KATNAL1: variants seen among roughly 807,000 people sequenced by gnomAD.
The protein encoded by KATNAL1 is katanin p60 ATPase-containing subunit A-like 1.
In KATNAL1, 32 loss-of-function variants were observed where a neutral mutation model predicts 55.2. The observed-to-expected ratio is 0.58, with a 90% CI of 0.44 to 0.78. KATNAL1 has a LOEUF of 0.78. Ranked by LOEUF, KATNAL1 falls within the 30% of genes least tolerant of loss-of-function variation. The pLI, the probability that KATNAL1 is intolerant of heterozygous loss-of-function variation, is 0.00. For synonymous variants in KATNAL1, 193 were observed against 193.6 expected, an observed-to-expected ratio of 1.00 and a Z score of 0.02; for missense variants, 466 against 600.9, an observed-to-expected ratio of 0.78 and a Z score of 2.35.
At chr13:30,224,794 A>C (rs1054223970) in intron 9 of KATNAL1, among the ~76,000 whole-genome samples, 8 of 152,218 alleles carry the variant, frequency 5.3e-5, no homozygotes, top group African/African-American at 1.9e-4. Flanking sequence ...AAAATGAGCC[A>C]TCACTACAGA....
chr13:30,240,685 T>G, intron 5 of KATNAL1, 120 bp from the exon 6 acceptor site: 1 of 714,502 alleles, frequency 1.4e-6, no homozygotes, highest in Non-Finnish European at 2.3e-6. Context: ...AACATTATTC[T>G]AATTCTTACT....
chr13:30,281,741 T>G (rs1881355742), intron 2 of KATNAL1: 1 of 152,240 alleles, frequency 6.6e-6, no homozygotes, highest in African/African-American at 2.4e-5. Flanking sequence ...TTAGAAGATT[T>G]TAAATTTTAA....
At chr13:30,274,101 T>C (rs1286185362) in intron 3 of KATNAL1, among the ~76,000 whole-genome samples, 3 of 152,326 alleles carry the variant, frequency 2.0e-5, no homozygotes, top group African/African-American at 7.2e-5. Flanking sequence ...ATATACATTT[T>C]ACAGAAAGGA....
intron 3 of KATNAL1, among the ~76,000 whole-genome samples, chr13:30,262,769 C>T (rs200938703): frequency 0.65 from 97,115 of 148,568 alleles, 32,118 homozygotes; most frequent in East Asian, 0.89. Context: ...GATGGATTCA[C>T]AGCCGAATTC....
chr13:30,241,184 T>G (rs1028630969), intron 4 of KATNAL1, 98 bp from the exon 5 acceptor site: 107 of 1,090,476 alleles, frequency 9.8e-5, no homozygotes, highest in Admixed American at 4.7e-5. Context: ...ACTTTCTAAA[T>G]AATTTTTATT....
At chr13:30,268,310 A>AT (rs1350892101) in intron 3 of KATNAL1, among the ~76,000 whole-genome samples, 10 of 152,368 alleles carry the variant, frequency 6.6e-5, no homozygotes, top group Middle Eastern at 3.4e-3. Flanking sequence ...CTCACCAGAA[A>AT]TAACAAAAAG....
rs1877205994 is a variant in KATNAL1 at position 30,240,899 on chromosome 13, A to G, written c.620+60T>C. On this transcript the variant is annotated intron_variant, in intron 5 of 10. Coordinates refer to ENST00000380615, the MANE Select transcript of KATNAL1 (RefSeq NM_032116.5). ...AATAACAAGAGAAAACTCACACACCAAGACAACCTATAATTTGTGTTCTCC... is the reference window on the plus strand; with the variant it reads ...AATAACAAGAGAAAACTCACACACCGAGACAACCTATAATTTGTGTTCTCC... The G allele has an allele frequency of 4.0e-6, 6 of 1,501,172 alleles. No individual in the cohort carries two copies. The Admixed American group carries it at 1.2e-4, about 30-fold the overall frequency. 93.0% of individuals were successfully genotyped at this position (1,501,172 alleles called of 1,614,324 possible). A position where few individuals can be genotyped will look rare whatever the true frequency, so the allele number is the denominator to read the frequency against.
At chr13:30,254,457 G>A (rs77849523) in intron 4 of KATNAL1, among the ~76,000 whole-genome samples, 6 of 151,966 alleles carry the variant, frequency 3.9e-5, no homozygotes, top group Admixed American at 3.9e-4. Flanking sequence ...ATATGTCTTT[G>A]AACTATCTCA....
intron 3 of KATNAL1, among the ~76,000 whole-genome samples, chr13:30,263,590 G>A (rs1383750690): frequency 2.6e-5 from 4 of 152,056 alleles, no homozygotes; most frequent in Non-Finnish European, 5.9e-5. Flanking sequence ...ACAAAATCAT[G>A]AGAGAACCAA....
chr13:30,280,134 G>C lies in KATNAL1; in HGVS notation c.252C>G (p.Phe84Leu). 6.2e-7 allele frequency: 1 copy of C among 1,613,372 alleles called. No individual in the cohort carries two copies. ...ATGGTTCATCTTGACAGGACACAGG[G>C]AAATCTGGAGGCTTGTCAATTTTAA... ...ESFKIDKPPD[F>L]PVSCQDEPFR... Residue 84 changes from phenylalanine to leucine, a missense_variant, in exon 3 of 11, where the codon TTC becomes TTG. Phe to Leu is a conservative substitution (Grantham distance 22). Around this residue, in one of 3 missense-constraint regions of KATNAL1, gnomAD observed 248 missense variants for 275.5 expected, o/e 0.90. Coordinates refer to ENST00000380615, the MANE Select transcript of KATNAL1 (RefSeq NM_032116.5).
At position 30,241,060 on chromosome 13, in the gene KATNAL1, T is replaced by G; in HGVS notation, c.519A>C (p.Ala173=). Reference sequence around the variant, plus strand: ...CAAATTTTGGCATTTCACCATCACTTGCACCATCTTGCATATTCTTCCTTC... The same window carrying G: ...CAAATTTTGGCATTTCACCATCACTGGCACCATCTTGCATATTCTTCCTTC... ...DKGRKNMQDG[A]SDGEMPKFDG... Residue 173 remains alanine, a synonymous_variant, in exon 5 of 11, where the codon GCA becomes GCC. Transcript: ENST00000380615. 2 of 1,613,526 alleles carry G rather than the reference T, an allele frequency of 1.2e-6. No individual in the cohort carries two copies. Among genetic ancestry groups the G allele is most frequent in the Non-Finnish European group, 1.7e-6 (2 of 1,179,816 alleles).
At chr13:30,215,799 T>C (rs1285225099) in intron 9 of KATNAL1, among the ~76,000 whole-genome samples, 1 of 151,948 alleles carries the variant, frequency 6.6e-6, no homozygotes, top group East Asian at 1.9e-4. Context: ...TGGGGAGGGA[T>C]AGCATTAGAA....
intron 3 of KATNAL1, among the ~76,000 whole-genome samples, chr13:30,262,054 A>G (rs1464801136): frequency 6.6e-6 from 1 of 152,162 alleles, no homozygotes; most frequent in Non-Finnish European, 1.5e-5. Flanking sequence ...AGAACTCAGG[A>G]TTAAGAATCT....
At position 30,208,357 on chromosome 13, in the gene KATNAL1, G is replaced by A. The variant is rs557571197; in HGVS notation, c.*183C>T. The A allele has an allele frequency of 2.0e-5, 11 of 547,736 alleles. No individual in the cohort carries two copies. The South Asian group carries it at 2.9e-4, about 15-fold the overall frequency. 33.9% of individuals were successfully genotyped at this position (547,736 alleles called of 1,614,324 possible). ...AGCACAAAGCCGGGGAGGGAGACTA[G>A]CAAACTCTCGCCATCAATTATTTCT... On this transcript the variant is annotated 3_prime_UTR_variant, in exon 11 of 11. Coordinates refer to ENST00000380615, the MANE Select transcript of KATNAL1 (RefSeq NM_032116.5).
chr13:30,210,464 G>A (rs373747807), intron 9 of KATNAL1, 22 bp from the exon 10 acceptor site: 19 of 1,580,394 alleles, frequency 1.2e-5, no homozygotes, highest in Non-Finnish European at 1.5e-5. Context: ...TTTTGGTGGT[G>A]TTGTTAGATG....
At chr13:30,264,070 C>T (rs1209225498) in intron 3 of KATNAL1, among the ~76,000 whole-genome samples, 3 of 149,860 alleles carry the variant, frequency 2.0e-5, no homozygotes, top group Admixed American at 1.3e-4. Flanking sequence ...GAAATAACGC[C>T]GCATATCTAC....
At chr13:30,257,291 G>C (rs1014086626) in intron 3 of KATNAL1, among the ~76,000 whole-genome samples, 1 of 152,060 alleles carries the variant, frequency 6.6e-6, no homozygotes, top group African/African-American at 2.4e-5. Flanking sequence ...TATGGGTATG[G>C]CCAAAGACAA....
intron 9 of KATNAL1, among the ~76,000 whole-genome samples, chr13:30,226,252 T>C (rs1176114641): frequency 3.3e-5 from 5 of 152,246 alleles, no homozygotes; most frequent in Non-Finnish European, 5.9e-5. Flanking sequence ...GCCTACCCTA[T>C]GACCCATCTT....
chr13:30,222,970 C>T (rs1292463870), intron 9 of KATNAL1, among the ~76,000 whole-genome samples: 3 of 151,174 alleles, frequency 2.0e-5, no homozygotes, highest in African/African-American at 4.9e-5. Context: ...TGGCACATGC[C>T]TGTAGTCCCA....
Sources: allele counts gnomAD v4.1 joint callset (sites outside exome capture counted in the v4.1 genomes callset), GRCh38; gene constraint gnomAD v4.1.1; regional missense constraint gnomAD v4.1.1; transcripts MANE v1.5; gene names NCBI Gene and HGNC (gene_info 2026-07-23, HGNC 2026-07-21).